Variants in DTNBP1 observed in about 807,000 individuals in gnomAD.
DTNBP1 encodes the protein dystrobrevin binding protein 1, also known as dysbindin.
In DTNBP1, 35 loss-of-function variants were observed where a neutral mutation model predicts 42.8. The observed-to-expected ratio is 0.82, with a 90% CI of 0.63 to 1.09. The LOEUF is 1.09. Ranked by LOEUF, DTNBP1 falls within the 50% of genes least tolerant of loss-of-function variation. The pLI is 0.00. For synonymous variants in DTNBP1, 171 were observed against 162.2 expected (o/e 1.05, Z -0.41); for missense variants, 457 against 424.2 (o/e 1.08, Z -0.68).
chr6:15,525,957 T>C (rs911353921), intron 8 of DTNBP1, among the ~76,000 whole-genome samples: 1 of 152,106 alleles, frequency 6.6e-6, no homozygotes, highest in East Asian at 1.9e-4. Flanking sequence ...TGCTTTGAAG[T>C]TGAAGAACAT....
intron 7 of DTNBP1, among the ~76,000 whole-genome samples, chr6:15,584,247 T>C (rs1323551766): frequency 3.9e-5 from 6 of 152,136 alleles, no homozygotes; most frequent in Non-Finnish European, 5.9e-5. Context: ...CAAGGAGCAA[T>C]TTCTTAGATG....
At chr6:15,592,003 T>C (rs1776319667) in intron 7 of DTNBP1, among the ~76,000 whole-genome samples, 1 of 152,192 alleles carries the variant, frequency 6.6e-6, no homozygotes, top group South Asian at 2.1e-4. Flanking sequence ...TAACATTACC[T>C]TCAACAAACT....
chr6:15,523,686 C>G, intron 9 of DTNBP1: 1 of 1,287,028 alleles, frequency 7.8e-7, no homozygotes. Context: ...AATCAAAATT[C>G]TATATGCAGG....
intron 3 of DTNBP1, among the ~76,000 whole-genome samples, chr6:15,638,351 C>T (rs1200242714): frequency 1.3e-5 from 2 of 152,144 alleles, no homozygotes; most frequent in Non-Finnish European, 2.9e-5. Context: ...TGGTCTCGAA[C>T]TCCTGATCCA....
intron 7 of DTNBP1, among the ~76,000 whole-genome samples, chr6:15,535,715 G>T (rs1773189283): frequency 6.6e-6 from 1 of 152,162 alleles, no homozygotes; most frequent in African/African-American, 2.4e-5. Flanking sequence ...AAATGTGGAA[G>T]GGACTTTGGA....
intron 7 of DTNBP1, among the ~76,000 whole-genome samples, chr6:15,556,121 G>A (rs1034924435): frequency 5.9e-5 from 9 of 152,158 alleles, no homozygotes; most frequent in South Asian, 2.1e-4. Flanking sequence ...GTTAATCCCC[G>A]GGTTAAAATG....
rs186477606 is a variant in DTNBP1, at chr6:15,554,171, G to A, written c.512-20776C>T. On this transcript the variant is annotated intron_variant, in intron 7 of 9. Coordinates refer to ENST00000344537, the MANE Select transcript of DTNBP1 (RefSeq NM_032122.5). ...CATGCAAATACATCAAGTTTCTGTC[G>A]CTTTGGGTCTTCATTTCTGAAGGCT... 4.6e-5 allele frequency among the ~76,000 whole-genome samples: 7 copies of A among 152,210 alleles called. No individual in the cohort carries two copies. In the East Asian group the frequency reaches 1.2e-3, roughly 25 times the overall value.
chr6:15,608,524 A>C (rs1758204589), intron 6 of DTNBP1, among the ~76,000 whole-genome samples: 1 of 152,130 alleles, frequency 6.6e-6, no homozygotes, highest in South Asian at 2.1e-4. Flanking sequence ...CCACCTCCCT[A>C]GAAATTCCCT....
intron 7 of DTNBP1, among the ~76,000 whole-genome samples, chr6:15,556,677 C>G (rs949044007): frequency 3.3e-5 from 5 of 152,290 alleles, no homozygotes; most frequent in Non-Finnish European, 7.4e-5. Context: ...TCAGTGTCAC[C>G]GCACTGGGTG....
chr6:15,531,448 A>G (rs1292548065), intron 8 of DTNBP1, among the ~76,000 whole-genome samples: 1 of 152,200 alleles, frequency 6.6e-6, no homozygotes, highest in Non-Finnish European at 1.5e-5. Context: ...GGATACAAGA[A>G]TGGCAAAGGC....
intron 8 of DTNBP1, among the ~76,000 whole-genome samples, chr6:15,529,083 G>A (rs988131169): frequency 6.6e-6 from 1 of 152,194 alleles, no homozygotes; most frequent in Non-Finnish European, 1.5e-5. Context: ...CAAGGAGTTC[G>A]AGACCAGCCT....
intron 7 of DTNBP1, among the ~76,000 whole-genome samples, chr6:15,554,484 G>A (rs1045204373): frequency 6.6e-6 from 1 of 152,156 alleles, no homozygotes; most frequent in African/African-American, 2.4e-5. Context: ...GAAGAATGAG[G>A]TTCATAAATC....
At chr6:15,631,730 A>T (rs1306295135) in intron 4 of DTNBP1, among the ~76,000 whole-genome samples, 1 of 152,134 alleles carries the variant, frequency 6.6e-6, no homozygotes, top group African/African-American at 2.4e-5. Flanking sequence ...GGGTAATGAG[A>T]TCCCCCTCCC....
intron 7 of DTNBP1, among the ~76,000 whole-genome samples, chr6:15,579,611 C>G (rs999045240): frequency 7.2e-5 from 11 of 152,180 alleles, no homozygotes; most frequent in African/African-American, 2.2e-4. Context: ...TTGAGACCAG[C>G]CTGGCCAACA....
At chr6:15,569,307 T>C (rs1318628606) in intron 7 of DTNBP1, among the ~76,000 whole-genome samples, 1 of 152,148 alleles carries the variant, frequency 6.6e-6, no homozygotes, top group African/African-American at 2.4e-5. Context: ...TAAGATGTGC[T>C]TCAGACCCTG....
At chr6:15,524,217 A>C in intron 9 of DTNBP1, 1 of 1,529,140 alleles carries the variant, frequency 6.5e-7, no homozygotes. Context: ...CCAGTCCTTA[A>C]CCACAAGGAG....
At chr6:15,634,609 C>G (rs909938201) in intron 4 of DTNBP1, among the ~76,000 whole-genome samples, 1 of 152,162 alleles carries the variant, frequency 6.6e-6, no homozygotes, top group Non-Finnish European at 1.5e-5. Flanking sequence ...TGAGCCACCA[C>G]ACCCAACCAC....
At chr6:15,618,706 GCAGTCC>G (rs1330392142) in intron 5 of DTNBP1, among the ~76,000 whole-genome samples, 2 of 152,114 alleles carry the variant, frequency 1.3e-5, no homozygotes, top group Non-Finnish European at 2.9e-5. Flanking sequence ...CATATGACCA[GCAGTCC>G]CACTACTATC....
At chr6:15,622,381 G>A (rs972991553) in intron 5 of DTNBP1, among the ~76,000 whole-genome samples, 13 of 151,922 alleles carry the variant, frequency 8.6e-5, no homozygotes, top group African/African-American at 3.1e-4. Context: ...AAAAAATAAA[G>A]GTTCATCCCC....
Sources: gnomAD v4.1 joint callset for allele counts (sites outside exome capture counted in the v4.1 genomes callset) on GRCh38, gnomAD v4.1.1 for gene constraint, MANE v1.5 for transcripts, NCBI Gene and HGNC (gene_info 2026-07-23, HGNC 2026-07-21) for gene names.